The following DACH2 variants were observed in gnomAD, a reference collection of about 807,000 sequenced individuals.
DACH2 encodes the protein dachshund family transcription factor 2.
DACH2 carries 17 observed loss-of-function variants against 35.8 expected under a neutral mutation model. The ratio of observed to expected loss-of-function variants is 0.48; its 90% CI spans 0.33 to 0.71. DACH2 has a LOEUF of 0.71. Ranked by LOEUF, DACH2 falls within the 30% of genes least tolerant of loss-of-function variation. The probability of loss-of-function intolerance (pLI) is 0.02; values close to 1 mark genes in which losing one functional copy is unlikely to be tolerated. For missense variants in DACH2, 469 were observed against 472.7 expected, an observed-to-expected ratio of 0.99 and a Z score of 0.07; for synonymous variants, 195 against 177.3, an observed-to-expected ratio of 1.10 and a Z score of -0.79.
chrX:86,563,118 A>C (rs1343491730), intron 3 of DACH2, among the ~76,000 whole-genome samples: 1 of 81,235 alleles, frequency 1.2e-5, no homozygotes, highest in East Asian at 3.8e-4. Context: ...CACCTTCTTT[A>C]GGGTAATTAT....
At chrX:86,459,571 G>GA (rs2037532384) in intron 2 of DACH2, among the ~76,000 whole-genome samples, 1 of 111,224 alleles carries the variant, frequency 9.0e-6, no homozygotes, top group African/African-American at 3.3e-5. Flanking sequence ...TAAACAACCT[G>GA]AAATATTAAA....
chrX:86,325,160 G>A (rs777363868), intron 1 of DACH2, among the ~76,000 whole-genome samples: 3 of 111,230 alleles, frequency 2.7e-5, no homozygotes, highest in African/African-American at 6.5e-5. Context: ...AACCCAACCC[G>A]TAATATCTCC....
At chrX:86,796,979 G>A (rs2042245902) in intron 7 of DACH2, among the ~76,000 whole-genome samples, 1 of 111,182 alleles carries the variant, frequency 9.0e-6, no homozygotes, top group South Asian at 3.8e-4. Flanking sequence ...AACAATAACT[G>A]ATGGAAATAT....
At chrX:86,230,401 A>G (rs2032923675) in intron 1 of DACH2, among the ~76,000 whole-genome samples, 2 of 110,987 alleles carry the variant, frequency 1.8e-5, no homozygotes, top group African/African-American at 6.6e-5. Context: ...TATTTTGTTA[A>G]GGATTTTGGC....
At chrX:86,658,050 T>C (rs2040563557) in intron 4 of DACH2, among the ~76,000 whole-genome samples, 1 of 111,552 alleles carries the variant, frequency 9.0e-6, no homozygotes, top group Non-Finnish European at 1.9e-5. Context: ...GTTTTCACAA[T>C]TGAACTAAAC....
At chrX:86,265,939 G>A (rs899883658) in intron 1 of DACH2, among the ~76,000 whole-genome samples, 4 of 111,195 alleles carry the variant, frequency 3.6e-5, no homozygotes, top group Non-Finnish European at 7.6e-5. Context: ...TAGATAATAC[G>A]TATGTGCATG....
intron 1 of DACH2, among the ~76,000 whole-genome samples, chrX:86,315,838 C>CAGAG (rs1441850166): frequency 2.9e-4 from 22 of 77,050 alleles, no homozygotes; most frequent in African/African-American, 1.1e-3. Flanking sequence ...CACACACACA[C>CAGAG]ACAGAGAGAG....
At chrX:86,793,586 C>G (rs1444868866) in intron 7 of DACH2, among the ~76,000 whole-genome samples, 3 of 111,557 alleles carry the variant, frequency 2.7e-5, no homozygotes, top group Non-Finnish European at 5.7e-5. Flanking sequence ...CAAGAAAGAT[C>G]ATAAAATCAG....
intron 1 of DACH2, among the ~76,000 whole-genome samples, chrX:86,172,554 G>A (rs758596433): frequency 8.9e-6 from 1 of 112,062 alleles, no homozygotes; most frequent in East Asian, 2.8e-4. Flanking sequence ...AATTACCTGA[G>A]GCCTCACAGT....
chrX:86,259,462 G>T (rs2033586011), intron 1 of DACH2, among the ~76,000 whole-genome samples: 1 of 111,597 alleles, frequency 9.0e-6, no homozygotes, highest in Admixed American at 9.6e-5. Flanking sequence ...CATGACAAAA[G>T]GAATCACTAT....
intron 1 of DACH2, among the ~76,000 whole-genome samples, chrX:86,361,017 CAT>C (rs998753422): frequency 4.5e-5 from 5 of 111,261 alleles, no homozygotes; most frequent in African/African-American, 1.6e-4. Context: ...AACTGAAACA[CAT>C]ATAAAACCTG....
At chrX:86,752,150 C>T (rs1046044572) in intron 7 of DACH2, among the ~76,000 whole-genome samples, 3 of 111,194 alleles carry the variant, frequency 2.7e-5, no homozygotes, top group African/African-American at 6.5e-5. Flanking sequence ...GTCTAGCCTC[C>T]GAATCACATG....
In DACH2 at chrX:86,526,771, A is replaced by G. The variant is rs186696012; in HGVS notation, c.640+12380A>G. Among the ~76,000 whole-genome samples the G allele has an allele frequency of 5.3e-4, 58 of 110,336 alleles. 1 individual carries two copies. In the East Asian group the frequency reaches 0.016, roughly 31 times the overall value. On this transcript the variant is annotated intron_variant, in intron 3 of 11. Coordinates refer to ENST00000373125, the MANE Select transcript of DACH2 (RefSeq NM_053281.3). ...TGGGTTAGCAAATCGTGCTTTCTAC[A>G]TGATTAGTAGAAATGAAAATTAGAA...
intron 1 of DACH2, among the ~76,000 whole-genome samples, chrX:86,260,047 G>T (rs901705176): frequency 9.0e-6 from 1 of 110,523 alleles, no homozygotes; most frequent in Non-Finnish European, 1.9e-5. Context: ...GTGGACATAG[G>T]TCTGCTTTCA....
At chrX:86,222,353 A>T (rs764413609) in intron 1 of DACH2, among the ~76,000 whole-genome samples, 2 of 111,980 alleles carry the variant, frequency 1.8e-5, no homozygotes, top group Non-Finnish European at 3.8e-5. Flanking sequence ...AAAAGTAAGG[A>T]TCTGCACATA....
At chrX:86,274,546 G>C in intron 1 of DACH2, among the ~76,000 whole-genome samples, 1 of 80,974 alleles carries the variant, frequency 1.2e-5, no homozygotes, top group Admixed American at 1.9e-4. Context: ...CCAGGCTGGA[G>C]AGCAGTGGCG....
chrX:86,297,099 A>T (rs185378283), intron 1 of DACH2, among the ~76,000 whole-genome samples: 65 of 107,280 alleles, frequency 6.1e-4, no homozygotes, highest in Non-Finnish European at 1.1e-3. Flanking sequence ...AATGAAAAAC[A>T]TTACAATTGT....
intron 2 of DACH2, among the ~76,000 whole-genome samples, chrX:86,493,172 A>G (rs1305859833): frequency 9.1e-6 from 1 of 110,424 alleles, no homozygotes. Flanking sequence ...AACCATTCTG[A>G]CTGGTGTAAG....
At chrX:86,724,562 T>C (rs1479861950) in intron 6 of DACH2, among the ~76,000 whole-genome samples, 2 of 112,075 alleles carry the variant, frequency 1.8e-5, no homozygotes, top group Non-Finnish European at 3.8e-5. Flanking sequence ...AGAATTCCAC[T>C]GTCTGATGGG....
Sources: gnomAD v4.1 joint callset for allele counts (sites outside exome capture counted in the v4.1 genomes callset) on GRCh38, gnomAD v4.1.1 for gene constraint, MANE v1.5 for transcripts, NCBI Gene and HGNC (gene_info 2026-07-23, HGNC 2026-07-21) for gene names.